The following RAB40C variants were observed in gnomAD, a reference collection of about 807,000 sequenced individuals.
RAB40C encodes the protein ras-related protein Rab-40C.
Under a neutral mutation model 28.1 loss-of-function variants are expected in RAB40C, and 8 were observed. That is an observed-to-expected ratio of 0.28 (90% CI 0.17 to 0.51). The LOEUF (loss-of-function observed/expected upper bound fraction) is 0.51, where lower values mean the gene tolerates loss of function less well. RAB40C is among the 20% of genes least tolerant of loss of function. The probability of loss-of-function intolerance (pLI) is 0.97; values close to 1 mark genes in which losing one functional copy is unlikely to be tolerated. For synonymous variants in RAB40C, 201 were observed against 171.7 expected (o/e 1.17, Z -1.34); for missense variants, 288 against 405.9 (o/e 0.71, Z 2.50).
chr16:600,196 C>G (rs912631000), intron 1 of RAB40C, among the ~76,000 whole-genome samples: 1 of 152,228 alleles, frequency 6.6e-6, no homozygotes, highest in Non-Finnish European at 1.5e-5. Flanking sequence ...CCGGAGCTCC[C>G]TGTGTCCTGG....
intron 5 of RAB40C, among the ~76,000 whole-genome samples, chr16:626,627 T>C (rs939073487): frequency 1.3e-5 from 2 of 152,132 alleles, no homozygotes; most frequent in African/African-American, 4.8e-5. Context: ...TGGCTGACGG[T>C]GTCACTGTCC....
chr16:605,090 C>T (rs566983081), intron 1 of RAB40C, among the ~76,000 whole-genome samples: 26 of 152,082 alleles, frequency 1.7e-4, no homozygotes, highest in African/African-American at 5.3e-4. Flanking sequence ...GGTGTGGTGA[C>T]GCACACTTGT....
rs762075787 is a variant in RAB40C, at chr16:590,244, C to G, written c.-48C>G. On this transcript the variant is annotated 5_prime_UTR_variant, in exon 1 of 6. Coordinates refer to ENST00000248139, the MANE Select transcript of RAB40C (RefSeq NM_021168.5). ...GGCTCTCTCACGCCGCGGCCTCACC[C>G]GGCGGTGCTTCGGCAGGCGGCCGGC... The G allele has an allele frequency of 2.7e-5, 36 of 1,355,420 alleles. No homozygotes were observed. The highest frequency in any genetic ancestry group is 5.4e-4 in the Middle Eastern group (2 of 3,698). 84.0% of individuals were successfully genotyped at this position (1,355,420 alleles called of 1,614,324 possible).
At position 610,220 on chromosome 16, in the gene RAB40C, G is replaced by A. The variant is rs1284017946; in HGVS notation, c.143-6988G>A. Among the ~76,000 whole-genome samples, 1 of 152,186 alleles carries A rather than the reference G, an allele frequency of 6.6e-6. No homozygotes were observed. Among genetic ancestry groups the A allele is most frequent in the Non-Finnish European group, 1.5e-5 (1 of 68,026 alleles). The stretch of plus-strand genomic sequence containing the variant: ...CAGGTGTTCTGACCTCCCTGCCTCT[G>A]TCCCCTGAGGTCAGAGCGCCTGTCC... On this transcript the variant is annotated intron_variant, in intron 1 of 5. Transcript: ENST00000248139. The surrounding 1 kb of genome is among the most constrained non-coding windows in gnomAD (Gnocchi z 4.6).
rs2036454336 is a variant in RAB40C at position 610,168 on chromosome 16, G to A, written c.143-7040G>A. ...GGTAGACAGAACCAGCAGCCGAGGC[G>A]CCGGTGGCTTTGCTCTGGTGGCAGG... On this transcript the variant is annotated intron_variant, in intron 1 of 5. Transcript: ENST00000248139. The surrounding 1 kb of genome is among the most constrained non-coding windows in gnomAD (Gnocchi z 4.6). 6.6e-6 allele frequency among the ~76,000 whole-genome samples: 1 copy of A among 152,162 alleles called. No homozygotes were observed. Among genetic ancestry groups the A allele is most frequent in the Non-Finnish European group, 1.5e-5 (1 of 68,018 alleles).
intron 3 of RAB40C, among the ~76,000 whole-genome samples, chr16:619,681 C>T (rs935276941): frequency 9.9e-5 from 15 of 152,082 alleles, no homozygotes; most frequent in Non-Finnish European, 1.9e-4. Flanking sequence ...CCAGGGAGGC[C>T]GCCTGGGTCT....
intron 1 of RAB40C, among the ~76,000 whole-genome samples, chr16:592,664 C>A (rs1321425765): frequency 6.6e-6 from 1 of 152,254 alleles, no homozygotes; most frequent in Non-Finnish European, 1.5e-5. Flanking sequence ...GCGCTGCGCA[C>A]TCCCAGGAGG....
At chr16:618,327 A>C in intron 3 of RAB40C, 67 bp downstream of exon 3, 1 of 1,465,774 alleles carries the variant, frequency 6.8e-7, no homozygotes, top group South Asian at 1.2e-5. Context: ...TCTGAATGTG[A>C]GTTGTTGTCC....
At chr16:603,588 C>T (rs866816040) in intron 1 of RAB40C, among the ~76,000 whole-genome samples, 24 of 152,144 alleles carry the variant, frequency 1.6e-4, no homozygotes, top group Non-Finnish European at 2.4e-4. Flanking sequence ...CAGATCAATG[C>T]CCTGTGGGTT....
At chr16:620,962 C>T (rs1035191783) in intron 3 of RAB40C, among the ~76,000 whole-genome samples, 3 of 152,260 alleles carry the variant, frequency 2.0e-5, no homozygotes, top group Admixed American at 2.0e-4. Flanking sequence ...TTCATAAGCT[C>T]TGCATTTGCC....
At chr16:609,186 C>T (rs1463205993) in intron 1 of RAB40C, among the ~76,000 whole-genome samples, 1 of 152,130 alleles carries the variant, frequency 6.6e-6, no homozygotes, top group Non-Finnish European at 1.5e-5. Flanking sequence ...GGTGCTGCCA[C>T]GGCTGGGTGA....
intron 1 of RAB40C, among the ~76,000 whole-genome samples, chr16:599,201 C>A (rs1024565271): frequency 6.6e-6 from 1 of 152,242 alleles, no homozygotes; most frequent in South Asian, 2.1e-4. Context: ...GCCCAGGCCC[C>A]GGCCCCGGCC....
chr16:602,674 C>T lies in RAB40C; in HGVS notation c.142+12241C>T, dbSNP rs559372316. ...TCTCGAGTTCCTGACCTCAAGTGATCCACCCACCTCGGCCTCCCAAAGTGC... is the reference window on the plus strand; with the variant it reads ...TCTCGAGTTCCTGACCTCAAGTGATTCACCCACCTCGGCCTCCCAAAGTGC... On this transcript the variant is annotated intron_variant, in intron 1 of 5. Coordinates refer to ENST00000248139, the MANE Select transcript of RAB40C (RefSeq NM_021168.5). Among the ~76,000 whole-genome samples the T allele has an allele frequency of 2.6e-5, 4 of 152,262 alleles. No individual in the cohort carries two copies. The South Asian group carries it at 8.3e-4, about 32-fold the overall frequency.
chr16:598,930 G>A (rs1467250369), intron 1 of RAB40C, among the ~76,000 whole-genome samples: 4 of 152,220 alleles, frequency 2.6e-5, no homozygotes, highest in African/African-American at 7.2e-5. Context: ...CCCGGTGGGA[G>A]CCTGTGTGCT....
Position 610,172 on chromosome 16 carries a change from G to T in RAB40C, c.143-7036G>T, listed in dbSNP as rs1478814027. Reference sequence around the variant, plus strand: ...GACAGAACCAGCAGCCGAGGCGCCGGTGGCTTTGCTCTGGTGGCAGGACAG... The same window carrying T: ...GACAGAACCAGCAGCCGAGGCGCCGTTGGCTTTGCTCTGGTGGCAGGACAG... On this transcript the variant is annotated intron_variant, in intron 1 of 5. Coordinates refer to ENST00000248139, the MANE Select transcript of RAB40C (RefSeq NM_021168.5). This position sits in a 1 kb window ranked among gnomAD's most constrained non-coding sequence, Gnocchi z 4.6. Among the ~76,000 whole-genome samples the T allele has an allele frequency of 6.6e-6, 1 of 152,166 alleles. No individual in the cohort carries two copies. Among genetic ancestry groups the T allele is most frequent in the Non-Finnish European group, 1.5e-5 (1 of 68,022 alleles).
chr16:597,854 A>C (rs1298405743), intron 1 of RAB40C, among the ~76,000 whole-genome samples: 1 of 143,040 alleles, frequency 7.0e-6, no homozygotes, highest in Non-Finnish European at 1.5e-5. Flanking sequence ...CAATCTCAGC[A>C]CCTTGGGAGG....
intron 1 of RAB40C, among the ~76,000 whole-genome samples, chr16:605,048 A>C (rs1422950633): frequency 6.6e-6 from 1 of 152,046 alleles, no homozygotes; most frequent in African/African-American, 2.4e-5. Context: ...ACAGAGTGAG[A>C]CTTTGTCTCA....
intron 1 of RAB40C, among the ~76,000 whole-genome samples, chr16:613,364 T>G (rs1188874242): frequency 1.3e-5 from 2 of 151,498 alleles, no homozygotes; most frequent in Non-Finnish European, 2.9e-5. Context: ...TGCCCTCGTC[T>G]TTAGATTGAA....
chr16:625,152 C>A, intron 3 of RAB40C: 1 of 1,371,132 alleles, frequency 7.3e-7, no homozygotes, highest in Non-Finnish European at 9.6e-7. Flanking sequence ...GCCCAGGAAA[C>A]TTCCACAGGC....
Sources: gnomAD v4.1 joint callset for allele counts (sites outside exome capture counted in the v4.1 genomes callset) on GRCh38, gnomAD v4.1.1 for gene constraint, Gnocchi (gnomAD v3.1) non-coding constraint, MANE v1.5 for transcripts, NCBI Gene and HGNC (gene_info 2026-07-23, HGNC 2026-07-21) for gene names.